Variants in SDK1 observed in about 807,000 individuals in gnomAD.
SDK1 encodes sidekick cell adhesion molecule 1, also known as protein sidekick-1.
Under a neutral mutation model 245.5 loss-of-function variants are expected in SDK1, and 157 were observed. The observed-to-expected ratio is 0.64, with a 90% CI of 0.56 to 0.73. The LOEUF (loss-of-function observed/expected upper bound fraction) is 0.73, where lower values mean the gene tolerates loss of function less well. Ranked by LOEUF, SDK1 falls within the 30% of genes least tolerant of loss-of-function variation. The pLI is 0.00. For synonymous variants in SDK1, 1,647 were observed against 1,278.5 expected (o/e 1.29, Z -6.15); for missense variants, 3,583 against 3,002.3 (o/e 1.19, Z -4.52).
At chr7:3,468,233 G>A (rs1781070941) in intron 1 of SDK1, among the ~76,000 whole-genome samples, 2 of 152,214 alleles carry the variant, frequency 1.3e-5, no homozygotes, top group Non-Finnish European at 2.9e-5. Flanking sequence ...CTAATGAAAT[G>A]TGATTCTCTC....
chr7:4,052,016 G>A (rs1295755113), intron 19 of SDK1, among the ~76,000 whole-genome samples, 186 bp downstream of exon 19: 1 of 152,130 alleles, frequency 6.6e-6, no homozygotes, highest in Non-Finnish European at 1.5e-5. Context: ...AGGATGGCAC[G>A]TGGACAGTGG....
chr7:4,012,150 G>A lies in SDK1; in HGVS notation c.2335G>A (p.Gly779Arg). The change falls in exon 16 of 45, where the codon GGG (glycine) becomes AGG (arginine). Residue 779 changes from glycine (G) to arginine (R), a missense_variant. Transcript: ENST00000404826. ...SAPPKNIVAS[G>R]RTNQSIMVQW... is the part of the protein sequence containing the mutation. ...TCCCCCGAAAAATATAGTGGCCAGT[G>A]GGCGGACTAATCAGTCCATTATGGT... 1 of 1,579,482 alleles carries A rather than the reference G, an allele frequency of 6.3e-7. No homozygotes were observed. Among genetic ancestry groups the A allele is most frequent in the African/African-American group, 1.4e-5 (1 of 73,282 alleles).
intron 44 of SDK1, 133 bp from the exon 45 acceptor site, chr7:4,264,991 T>TGGG (rs1788363155): frequency 5.9e-6 from 8 of 1,360,860 alleles, no homozygotes; most frequent in African/African-American, 3.0e-5. Flanking sequence ...GGCATTGGGT[T>TGGG]GGGGTGGGGA....
At chr7:3,827,452 A>G (rs1037203506) in intron 5 of SDK1, among the ~76,000 whole-genome samples, 1 of 152,334 alleles carries the variant, frequency 6.6e-6, no homozygotes. Context: ...CCCAGGTGCC[A>G]ACCAAAGGGA....
chr7:3,523,535 A>G (rs532805580), intron 1 of SDK1, among the ~76,000 whole-genome samples: 58 of 152,250 alleles, frequency 3.8e-4, no homozygotes, highest in African/African-American at 1.4e-3. Context: ...AATGTTAGCT[A>G]AAGCTCCTAA....
At chr7:3,388,736 T>C (rs1458891048) in intron 1 of SDK1, among the ~76,000 whole-genome samples, 1 of 152,186 alleles carries the variant, frequency 6.6e-6, no homozygotes, top group African/African-American at 2.4e-5. Flanking sequence ...AAGTATGATA[T>C]ATGTAACTAT....
intron 1 of SDK1, among the ~76,000 whole-genome samples, chr7:3,571,450 G>C (rs953873138): frequency 1.3e-5 from 2 of 151,902 alleles, no homozygotes; most frequent in South Asian, 4.2e-4. Flanking sequence ...CTACAGGCCC[G>C]TACCACCATG....
intron 1 of SDK1, among the ~76,000 whole-genome samples, chr7:3,322,746 TGGATTA>T (rs1390394522): frequency 6.6e-6 from 1 of 152,198 alleles, no homozygotes; most frequent in Non-Finnish European, 1.5e-5. Context: ...TTCAGAATAC[TGGATTA>T]TGGTAATTGC....
chr7:3,485,800 G>C (rs1781677318), intron 1 of SDK1, among the ~76,000 whole-genome samples: 1 of 147,776 alleles, frequency 6.8e-6, no homozygotes, highest in Admixed American at 6.8e-5. Context: ...ACGTAAGTGT[G>C]TTTTCTTATT....
rs77221378 is a variant in SDK1, at chr7:3,965,381, T to C, written c.1430-1937T>C. Reference sequence around the variant, plus strand: ...TTATAGGATTCTCATGAGGGTCAGATTGGAAATGTAAGTGAAAGTGCCACC... The same window carrying C: ...TTATAGGATTCTCATGAGGGTCAGACTGGAAATGTAAGTGAAAGTGCCACC... On this transcript the variant is annotated intron_variant, in intron 9 of 44. Transcript: ENST00000404826. 5.2e-3 allele frequency among the ~76,000 whole-genome samples: 798 copies of C among 152,212 alleles called. 4 individuals carry two copies. Among genetic ancestry groups the C allele is most frequent in the African/African-American group, 0.019 (776 of 41,532 alleles).
At chr7:3,988,351 G>T (rs142581119) in intron 14 of SDK1, among the ~76,000 whole-genome samples, 1 of 151,604 alleles carries the variant, frequency 6.6e-6, no homozygotes, top group East Asian at 2.0e-4. Flanking sequence ...TCAGACCACT[G>T]GTACCTCTCG....
chr7:3,470,083 C>T (rs1312741156), intron 1 of SDK1, among the ~76,000 whole-genome samples: 5 of 152,120 alleles, frequency 3.3e-5, no homozygotes, highest in Non-Finnish European at 5.9e-5. Context: ...GGAGAAGATA[C>T]TAGAGAGGGT....
intron 5 of SDK1, among the ~76,000 whole-genome samples, chr7:3,930,822 AGT>A (rs1043093655): frequency 6.6e-6 from 1 of 152,122 alleles, no homozygotes; most frequent in African/African-American, 2.4e-5. Flanking sequence ...AAAAAAGAAA[AGT>A]CTCTCTGAGT....
intron 1 of SDK1, among the ~76,000 whole-genome samples, chr7:3,346,744 T>C (rs1320167113): frequency 1.4e-5 from 2 of 141,118 alleles, no homozygotes; most frequent in South Asian, 2.2e-4. Context: ...TATACACGTA[T>C]ATATATGTGT....
rs1584180546 is a variant in SDK1 at position 4,114,032 on chromosome 7, C to T, written c.3586-5C>T. The T allele has an allele frequency of 1.2e-6, 2 of 1,613,336 alleles. No individual in the cohort carries two copies. Among genetic ancestry groups the T allele is most frequent in the East Asian group, 4.5e-5 (2 of 44,882 alleles). On this transcript the variant is annotated splice_polypyrimidine_tract_variant and splice_region_variant and intron_variant, in intron 24 of 44. Coordinates refer to ENST00000404826, the MANE Select transcript of SDK1 (RefSeq NM_152744.4). ...AGCTCATCGCGACTCCTCGTTCCTT[C>T]CTAGCCCCTGCCGGATTCTCAGTAC... is the stretch of plus-strand genomic sequence containing the variant.
intron 1 of SDK1, among the ~76,000 whole-genome samples, chr7:3,548,541 C>T (rs1005708785): frequency 1.3e-5 from 2 of 152,176 alleles, no homozygotes; most frequent in Non-Finnish European, 2.9e-5. Context: ...GATGAACATC[C>T]TAATGTCTAC....
intron 1 of SDK1, among the ~76,000 whole-genome samples, chr7:3,348,795 C>T (rs183046923): frequency 1.4e-4 from 21 of 152,214 alleles, no homozygotes; most frequent in African/African-American, 5.1e-4. Context: ...ATAAAAAGTG[C>T]CAAGTACTAT....
intron 1 of SDK1, among the ~76,000 whole-genome samples, chr7:3,485,448 C>G (rs1390517007): frequency 1.3e-5 from 2 of 152,144 alleles, no homozygotes; most frequent in South Asian, 2.1e-4. Flanking sequence ...ACTCACTTTG[C>G]TTTCCCTACC....
intron 22 of SDK1, among the ~76,000 whole-genome samples, chr7:4,089,832 C>A (rs773075239): frequency 6.6e-6 from 1 of 152,226 alleles, no homozygotes; most frequent in African/African-American, 2.4e-5. Flanking sequence ...ACCCAAAGGC[C>A]TCATCCATGA....
Sources: allele counts gnomAD v4.1 joint callset (sites outside exome capture counted in the v4.1 genomes callset), GRCh38; gene constraint gnomAD v4.1.1; transcripts MANE v1.5; gene names NCBI Gene and HGNC (gene_info 2026-07-23, HGNC 2026-07-21).